IQGAP2: variants seen among roughly 807,000 people sequenced by gnomAD.
IQGAP2 encodes the protein ras GTPase-activating-like protein IQGAP2.
A neutral mutation model predicts 201.3 loss-of-function variants in IQGAP2; 173 were observed. The ratio of observed to expected loss-of-function variants is 0.86; its 90% CI spans 0.76 to 0.98. The LOEUF is 0.98. Among genes scored for constraint, IQGAP2 ranks in the 50% least tolerant of loss-of-function variants. IQGAP2 has a pLI of 0.00. For missense variants in IQGAP2, 1,687 were observed against 1,864.8 expected, an observed-to-expected ratio of 0.90 and a Z score of 1.76; for synonymous variants, 675 against 673.9, an observed-to-expected ratio of 1.00 and a Z score of -0.03.
At chr5:76,462,109 C>T (rs1377437759) in intron 2 of IQGAP2, among the ~76,000 whole-genome samples, 2 of 152,200 alleles carry the variant, frequency 1.3e-5, no homozygotes, top group South Asian at 2.1e-4. Context: ...TTCCCTGCCT[C>T]GGAGCCTCCC....
At chr5:76,551,819 C>T (rs1197665929) in intron 2 of IQGAP2, among the ~76,000 whole-genome samples, 1 of 146,816 alleles carries the variant, frequency 6.8e-6, no homozygotes, top group East Asian at 2.1e-4. Context: ...GTCCAGCCTC[C>T]GCTGGGCATC....
At chr5:76,532,405 C>CT (rs375676436) in intron 2 of IQGAP2, among the ~76,000 whole-genome samples, 13 of 117,154 alleles carry the variant, frequency 1.1e-4, no homozygotes, top group South Asian at 1.1e-3. Context: ...ATGAAAATTG[C>CT]TTTTTTTTCC....
At chr5:76,617,362 T>C (rs929735134) in intron 13 of IQGAP2, 4 of 445,662 alleles carry the variant, frequency 9.0e-6, no homozygotes, top group Non-Finnish European at 1.6e-5. Flanking sequence ...AGGCAGAGGT[T>C]GCAATGAGCC....
At chr5:76,448,737 A>G (rs943386779) in intron 1 of IQGAP2, among the ~76,000 whole-genome samples, 2 of 152,204 alleles carry the variant, frequency 1.3e-5, no homozygotes, top group Non-Finnish European at 2.9e-5. Context: ...ACATGTTGCA[A>G]GAAAAAGCAG....
intron 1 of IQGAP2, among the ~76,000 whole-genome samples, chr5:76,460,860 C>CTTT (rs61258350): frequency 1.8e-5 from 2 of 113,536 alleles, no homozygotes; most frequent in African/African-American, 3.7e-5. Flanking sequence ...TTGCACACTG[C>CTTT]TTTTTTTTTT....
chr5:76,677,177 C>T, intron 27 of IQGAP2, 41 bp from the exon 28 acceptor site: 1 of 1,582,624 alleles, frequency 6.3e-7, no homozygotes, highest in Middle Eastern at 1.7e-4. Flanking sequence ...GTTTAATGCA[C>T]ATGTTTGAGT....
intron 8 of IQGAP2, among the ~76,000 whole-genome samples, chr5:76,591,153 A>G (rs1193634778): frequency 6.6e-6 from 1 of 152,194 alleles, no homozygotes; most frequent in Non-Finnish European, 1.5e-5. Context: ...ATTAAAAGTC[A>G]TGTTGCAAAC....
At chr5:76,562,078 T>C (rs1178098176) in intron 2 of IQGAP2, among the ~76,000 whole-genome samples, 2 of 152,242 alleles carry the variant, frequency 1.3e-5, no homozygotes, top group African/African-American at 4.8e-5. Flanking sequence ...CAGGACTAAT[T>C]CCACCTATAC....
chr5:76,611,737 C>T (rs1748429712), intron 13 of IQGAP2, among the ~76,000 whole-genome samples: 1 of 152,190 alleles, frequency 6.6e-6, no homozygotes, highest in Non-Finnish European at 1.5e-5. Context: ...AGAGCAGAAG[C>T]TGTCCTCTCG....
intron 12 of IQGAP2, among the ~76,000 whole-genome samples, chr5:76,610,035 A>T: frequency 1.1e-5 from 1 of 91,522 alleles, no homozygotes; most frequent in Non-Finnish European, 2.0e-5. Context: ...CCCTATAGTC[A>T]GTCTTGTTCT....
At chr5:76,546,049 G>A (rs756499428) in intron 2 of IQGAP2, among the ~76,000 whole-genome samples, 1 of 152,158 alleles carries the variant, frequency 6.6e-6, no homozygotes, top group Non-Finnish European at 1.5e-5. Flanking sequence ...TTGAGCCAGA[G>A]AAAAATTCTC....
chr5:76,452,284 C>T (rs1289857594), intron 1 of IQGAP2, among the ~76,000 whole-genome samples: 1 of 148,670 alleles, frequency 6.7e-6, no homozygotes, highest in African/African-American at 2.5e-5. Context: ...GGTACATGTG[C>T]ACAACGTGCA....
At chr5:76,532,688 T>C (rs759454604) in intron 2 of IQGAP2, among the ~76,000 whole-genome samples, 1 of 152,136 alleles carries the variant, frequency 6.6e-6, no homozygotes, top group South Asian at 2.1e-4. Context: ...ATGTTGCCCT[T>C]TCAGACAGCC....
intron 1 of IQGAP2, among the ~76,000 whole-genome samples, chr5:76,435,759 G>A (rs1194802951): frequency 1.3e-5 from 2 of 152,110 alleles, no homozygotes; most frequent in African/African-American, 4.8e-5. Context: ...CATTGAATTT[G>A]TAGATTGCTT....
chr5:76,612,955 A>G (rs1194608946), intron 13 of IQGAP2, among the ~76,000 whole-genome samples: 1 of 152,202 alleles, frequency 6.6e-6, no homozygotes, highest in Non-Finnish European at 1.5e-5. Flanking sequence ...TGTAAATCCT[A>G]TCCTCACTAC....
intron 2 of IQGAP2, among the ~76,000 whole-genome samples, chr5:76,488,998 T>C (rs1406355361): frequency 6.6e-6 from 1 of 152,184 alleles, no homozygotes; most frequent in Non-Finnish European, 1.5e-5. Context: ...TCAGTAATCA[T>C]TCAGGGTCAC....
chr5:76,475,091 T>C (rs1214675258), intron 2 of IQGAP2, among the ~76,000 whole-genome samples: 1 of 152,056 alleles, frequency 6.6e-6, no homozygotes, highest in Non-Finnish European at 1.5e-5. Context: ...GCTGAGGCTG[T>C]CTCAGCTCTC....
intron 13 of IQGAP2, chr5:76,618,557 C>T (rs925552290): frequency 2.7e-5 from 43 of 1,613,954 alleles, no homozygotes; most frequent in Non-Finnish European, 3.6e-5. Flanking sequence ...AAAAGGGGAA[C>T]TCTTCAAAAG....
chr5:76,510,416 G>A lies in IQGAP2; in HGVS notation c.146+48747G>A, dbSNP rs571409891. On this transcript the variant is annotated intron_variant, in intron 2 of 35. Coordinates refer to ENST00000274364, the MANE Select transcript of IQGAP2 (RefSeq NM_006633.5). ...TCTTGGGGGATGCAGTGATGACGGT[G>A]CAGGGCCCATACAGGCAGGGGTGGC... The A allele has an allele frequency of 1.3e-3, 351 of 273,240 alleles. 1 individual carries two copies. Among genetic ancestry groups the A allele is most frequent in the Middle Eastern group, 2.7e-3 (2 of 742 alleles). The allele number at this position is 273,240 out of a possible 1,614,324, so 16.9% of individuals were successfully genotyped here. A position where few individuals can be genotyped will look rare whatever the true frequency, so the allele number is the denominator to read the frequency against.
Sources: allele counts gnomAD v4.1 joint callset (sites outside exome capture counted in the v4.1 genomes callset), GRCh38; gene constraint gnomAD v4.1.1; transcripts MANE v1.5; gene names NCBI Gene and HGNC (gene_info 2026-07-23, HGNC 2026-07-21).